OPCML: variants seen among roughly 807,000 people sequenced by gnomAD.
OPCML encodes opioid-binding protein/cell adhesion molecule.
OPCML carries 13 observed loss-of-function variants against 37.8 expected under a neutral mutation model. That is an observed-to-expected ratio of 0.34 (90% CI 0.22 to 0.55). The LOEUF (loss-of-function observed/expected upper bound fraction) is 0.55, where lower values mean the gene tolerates loss of function less well. Ranked by LOEUF, OPCML falls within the 20% of genes least tolerant of loss-of-function variation. The probability of loss-of-function intolerance (pLI) is 0.91; values close to 1 mark genes in which losing one functional copy is unlikely to be tolerated. For synonymous variants in OPCML, 176 were observed against 168.8 expected (o/e 1.04, Z -0.33); for missense variants, 341 against 435.6 (o/e 0.78, Z 1.93).
chr11:133,332,906 C>T (rs1178492386), intron 1 of OPCML, among the ~76,000 whole-genome samples: 3 of 152,102 alleles, frequency 2.0e-5, no homozygotes, highest in Non-Finnish European at 4.4e-5. Flanking sequence ...CGACTTCAAA[C>T]GATACTACAA....
At chr11:133,480,481 G>T (rs1479445355) in intron 1 of OPCML, among the ~76,000 whole-genome samples, 1 of 152,166 alleles carries the variant, frequency 6.6e-6, no homozygotes, top group Non-Finnish European at 1.5e-5. Context: ...CCTTCCACTT[G>T]CTCGCCACGT....
At chr11:132,691,654 A>T (rs760477221) in intron 2 of OPCML, among the ~76,000 whole-genome samples, 1 of 152,160 alleles carries the variant, frequency 6.6e-6, no homozygotes, top group African/African-American at 2.4e-5. Context: ...AACAACTCAA[A>T]TTTTTTCATC....
chr11:132,487,025 A>T (rs2096202072), intron 4 of OPCML, among the ~76,000 whole-genome samples: 1 of 152,226 alleles, frequency 6.6e-6, no homozygotes, highest in Non-Finnish European at 1.5e-5. Context: ...GGTAATAAGG[A>T]TCATGATAAT....
At chr11:133,093,364 A>G (rs565695406) in intron 1 of OPCML, among the ~76,000 whole-genome samples, 39 of 152,156 alleles carry the variant, frequency 2.6e-4, no homozygotes, top group Non-Finnish European at 4.7e-4. Context: ...ACATAGGTAT[A>G]CATGTGCCGT....
At position 132,502,693 on chromosome 11, in the gene OPCML, T is replaced by C. The variant is rs377369506; in HGVS notation, c.505+26368A>G. Among the ~76,000 whole-genome samples, 75 of 152,294 alleles carry C rather than the reference T, an allele frequency of 4.9e-4. 1 individual carries two copies. In the South Asian group the frequency reaches 8.5e-3, roughly 17 times the overall value. Reference sequence around the variant, plus strand: ...AATTTTTAGCCCTTCCATTGTTAAGTGAAACAAGAGTTTTATTTAAATGTG... The same window carrying C: ...AATTTTTAGCCCTTCCATTGTTAAGCGAAACAAGAGTTTTATTTAAATGTG... On this transcript the variant is annotated intron_variant, in intron 4 of 7. Coordinates refer to ENST00000524381, the MANE Select transcript of OPCML (RefSeq NM_001012393.5).
intron 2 of OPCML, among the ~76,000 whole-genome samples, chr11:132,932,224 A>G (rs1945229223): frequency 6.6e-6 from 1 of 152,146 alleles, no homozygotes; most frequent in African/African-American, 2.4e-5. Flanking sequence ...AGTTCTGGAG[A>G]GGGATGGTGG....
At chr11:132,679,830 T>G (rs1054895523) in intron 2 of OPCML, among the ~76,000 whole-genome samples, 3 of 152,146 alleles carry the variant, frequency 2.0e-5, no homozygotes, top group African/African-American at 7.2e-5. Flanking sequence ...AAAGATATAT[T>G]TGGTCTTCAG....
chr11:133,486,127 T>C (rs1947521234), intron 1 of OPCML, among the ~76,000 whole-genome samples: 1 of 152,184 alleles, frequency 6.6e-6, no homozygotes, highest in Non-Finnish European at 1.5e-5. Context: ...AAAACACACA[T>C]AACCCAATAA....
intron 2 of OPCML, among the ~76,000 whole-genome samples, chr11:132,739,160 TCA>T (rs1945357829): frequency 6.6e-6 from 1 of 152,224 alleles, no homozygotes; most frequent in Admixed American, 6.5e-5. Context: ...ATTTATCTCC[TCA>T]CAGTTTGTCA....
intron 1 of OPCML, among the ~76,000 whole-genome samples, chr11:133,034,186 T>C (rs1031548297): frequency 6.6e-6 from 1 of 152,126 alleles, no homozygotes; most frequent in Admixed American, 6.5e-5. Flanking sequence ...CTAGTATACC[T>C]CTATTCTTAC....
chr11:132,454,394 G>C (rs1208181127), intron 4 of OPCML, among the ~76,000 whole-genome samples: 1 of 152,158 alleles, frequency 6.6e-6, no homozygotes, highest in Non-Finnish European at 1.5e-5. Flanking sequence ...GAAGGGTGAG[G>C]ACCGATGCTC....
intron 2 of OPCML, among the ~76,000 whole-genome samples, chr11:132,708,896 A>G (rs1944145908): frequency 6.6e-6 from 1 of 152,258 alleles, no homozygotes; most frequent in Non-Finnish European, 1.5e-5. Flanking sequence ...TTTCTTGTTA[A>G]AGAATGCTCA....
intron 1 of OPCML, among the ~76,000 whole-genome samples, chr11:133,109,013 T>G (rs1272067411): frequency 6.6e-6 from 1 of 152,208 alleles, no homozygotes; most frequent in Non-Finnish European, 1.5e-5. Flanking sequence ...TTACCTGTTT[T>G]GCTCTCTAGG....
chr11:133,000,532 C>T (rs540891740), intron 1 of OPCML, among the ~76,000 whole-genome samples: 1 of 152,334 alleles, frequency 6.6e-6, no homozygotes, highest in East Asian at 1.9e-4. Context: ...CCCTCACAAG[C>T]TCTCTACTGG....
chr11:133,437,360 A>G (rs748009906), intron 1 of OPCML, among the ~76,000 whole-genome samples: 1 of 152,148 alleles, frequency 6.6e-6, no homozygotes, highest in Non-Finnish European at 1.5e-5. Flanking sequence ...CTCTCTGGGC[A>G]TCACCTTTTT....
At chr11:133,401,017 G>A (rs1346458005) in intron 1 of OPCML, among the ~76,000 whole-genome samples, 1 of 152,186 alleles carries the variant, frequency 6.6e-6, no homozygotes, top group East Asian at 1.9e-4. Flanking sequence ...TATCTCATAA[G>A]TTTAGTTTTC....
intron 1 of OPCML, among the ~76,000 whole-genome samples, chr11:133,437,216 A>G (rs1341581822): frequency 3.3e-5 from 5 of 152,236 alleles, no homozygotes; most frequent in Non-Finnish European, 5.9e-5. Context: ...GGCAAGCCGA[A>G]TGCTGTCATT....
At chr11:132,546,723 G>T (rs1039404901) in intron 3 of OPCML, among the ~76,000 whole-genome samples, 5 of 152,100 alleles carry the variant, frequency 3.3e-5, no homozygotes, top group African/African-American at 4.8e-5. Context: ...TATAACATAG[G>T]CATATAATTA....
chr11:132,505,215 C>G (rs1313053951), intron 4 of OPCML, among the ~76,000 whole-genome samples: 1 of 151,932 alleles, frequency 6.6e-6, no homozygotes. Context: ...CAGATCACAC[C>G]AATTTCGAGA....
Sources: gnomAD v4.1 joint callset for allele counts (sites outside exome capture counted in the v4.1 genomes callset) on GRCh38, gnomAD v4.1.1 for gene constraint, MANE v1.5 for transcripts, NCBI Gene and HGNC (gene_info 2026-07-23, HGNC 2026-07-21) for gene names.